Variants in DLG2 observed in about 807,000 individuals in gnomAD.
DLG2 encodes the protein disks large homolog 2.
In DLG2, 45 loss-of-function variants were observed where a neutral mutation model predicts 132.5. The observed-to-expected ratio is 0.34, with a 90% CI of 0.27 to 0.44. The LOEUF is 0.44. DLG2 is among the 20% of genes least tolerant of loss of function. The probability of loss-of-function intolerance (pLI) is 1.00; values close to 1 mark genes in which losing one functional copy is unlikely to be tolerated. For missense variants in DLG2, 1,045 were observed against 1,196.9 expected (o/e 0.87, Z 1.87); for synonymous variants, 424 against 419.6 (o/e 1.01, Z -0.13).
intron 3 of DLG2, among the ~76,000 whole-genome samples, chr11:85,489,135 T>C (rs1323987843): frequency 6.6e-6 from 1 of 151,524 alleles, no homozygotes; most frequent in Non-Finnish European, 1.5e-5. Flanking sequence ...ATTGGAAAAA[T>C]GCATGAAAAA....
chr11:84,033,955 C>T (rs144230425), intron 11 of DLG2, among the ~76,000 whole-genome samples: 6,056 of 152,150 alleles, frequency 0.04, 371 homozygotes, highest in African/African-American at 0.14. Flanking sequence ...TTGGCACATG[C>T]CTGTAATCCC....
At chr11:84,033,944 G>A in intron 11 of DLG2, among the ~76,000 whole-genome samples, 1 of 152,148 alleles carries the variant, frequency 6.6e-6, no homozygotes, top group Non-Finnish European at 1.5e-5. Flanking sequence ...AGCCGGGCAT[G>A]TTGGCACATG....
At chr11:84,992,077 A>G (rs1263889906) in intron 6 of DLG2, among the ~76,000 whole-genome samples, 1 of 151,670 alleles carries the variant, frequency 6.6e-6, no homozygotes, top group Non-Finnish European at 1.5e-5. Flanking sequence ...CTCTCTCTGG[A>G]GTGTTTCTTT....
intron 12 of DLG2, among the ~76,000 whole-genome samples, chr11:83,977,718 A>G (rs2092400646): frequency 6.6e-6 from 1 of 152,092 alleles, no homozygotes; most frequent in South Asian, 2.1e-4. Context: ...CTTTTGCACA[A>G]TGCTCTCAAG....
At chr11:85,004,779 T>C (rs991084744) in intron 6 of DLG2, among the ~76,000 whole-genome samples, 4 of 152,208 alleles carry the variant, frequency 2.6e-5, no homozygotes, top group African/African-American at 9.7e-5. Context: ...CTTGTGGTGC[T>C]TCAGTCATGA....
At chr11:85,260,067 T>C (rs1373194654) in intron 4 of DLG2, among the ~76,000 whole-genome samples, 1 of 152,200 alleles carries the variant, frequency 6.6e-6, no homozygotes, top group Non-Finnish European at 1.5e-5. Context: ...AATTTTTGGT[T>C]TGAGTCCTGG....
At chr11:84,815,439 C>T (rs1483152222) in intron 6 of DLG2, among the ~76,000 whole-genome samples, 1 of 152,038 alleles carries the variant, frequency 6.6e-6, no homozygotes, top group African/African-American at 2.4e-5. Context: ...GCTTCCATCA[C>T]CAACCTGGGG....
chr11:83,985,665 T>A lies in DLG2; in HGVS notation c.920-5023A>T, dbSNP rs1406824395. On this transcript the variant is annotated intron_variant, in intron 11 of 27. Transcript: ENST00000376104. ...GAATGATGGCTTCCAGCTCCATCCA[T>A]GTCCCTGTAGAGGACATGATCTCAT... Among the ~76,000 whole-genome samples, 4 of 152,158 alleles carry A rather than the reference T, an allele frequency of 2.6e-5. 1 individual carries two copies. The highest frequency in any genetic ancestry group is 2.0e-4 in the Admixed American group (3 of 15,250).
At chr11:84,678,410 G>A (rs1222659836) in intron 6 of DLG2, among the ~76,000 whole-genome samples, 1 of 151,996 alleles carries the variant, frequency 6.6e-6, no homozygotes, top group Non-Finnish European at 1.5e-5. Context: ...ATCTCATTCC[G>A]CCATTAAGGA....
intron 17 of DLG2, among the ~76,000 whole-genome samples, chr11:83,802,253 A>T (rs185665300): frequency 6.6e-6 from 1 of 152,080 alleles, no homozygotes; most frequent in South Asian, 2.1e-4. Context: ...CCTCCACTTC[A>T]TCCAAGCCTC....
chr11:84,190,288 A>G (rs2096380972), intron 8 of DLG2, among the ~76,000 whole-genome samples: 1 of 152,194 alleles, frequency 6.6e-6, no homozygotes, highest in South Asian at 2.1e-4. Flanking sequence ...ATAAGCATCA[A>G]ATGCACTCCT....
chr11:83,690,044 T>C (rs919664995), intron 18 of DLG2, among the ~76,000 whole-genome samples: 1 of 146,680 alleles, frequency 6.8e-6, no homozygotes, highest in African/African-American at 2.5e-5. Flanking sequence ...ATATAAATTA[T>C]GTATTTTTAT....
At chr11:84,610,157 T>C (rs2099592854) in intron 6 of DLG2, among the ~76,000 whole-genome samples, 1 of 152,116 alleles carries the variant, frequency 6.6e-6, no homozygotes, top group Non-Finnish European at 1.5e-5. Context: ...TGGATGATAC[T>C]GAAGGAAAAA....
intron 6 of DLG2, chr11:85,021,734 A>G: frequency 1.4e-6 from 1 of 692,262 alleles, no homozygotes; most frequent in Non-Finnish European, 2.5e-6. Flanking sequence ...GAGGAGGGAG[A>G]AGAGATTCGA....
At chr11:84,665,185 T>C (rs1265840887) in intron 6 of DLG2, among the ~76,000 whole-genome samples, 2 of 152,130 alleles carry the variant, frequency 1.3e-5, no homozygotes, top group Non-Finnish European at 2.9e-5. Flanking sequence ...TTTAAGTATG[T>C]TTGTTATCAC....
intron 7 of DLG2, among the ~76,000 whole-genome samples, chr11:84,469,691 TAA>T (rs1340691804): frequency 2.0e-5 from 3 of 151,670 alleles, no homozygotes; most frequent in Admixed American, 6.6e-5. Flanking sequence ...AATATGAATA[TAA>T]AGAGGCATGA....
At chr11:83,522,058 C>T (rs2095494170) in intron 21 of DLG2, among the ~76,000 whole-genome samples, 1 of 152,192 alleles carries the variant, frequency 6.6e-6, no homozygotes, top group African/African-American at 2.4e-5. Flanking sequence ...CTTACCACTG[C>T]CCCATTGTGT....
At chr11:84,469,535 T>A (rs10501562) in intron 7 of DLG2, among the ~76,000 whole-genome samples, 56,400 of 151,378 alleles carry the variant, frequency 0.37, 13,737 homozygotes, top group African/African-American at 0.7. Flanking sequence ...GCATCACATA[T>A]TGGTGGCAAC....
At chr11:84,253,178 A>G (rs1339102618) in intron 7 of DLG2, among the ~76,000 whole-genome samples, 1 of 152,140 alleles carries the variant, frequency 6.6e-6, no homozygotes, top group African/African-American at 2.4e-5. Flanking sequence ...CATTAAAAAA[A>G]AATAATAAGA....
Sources: allele counts gnomAD v4.1 joint callset (sites outside exome capture counted in the v4.1 genomes callset), GRCh38; gene constraint gnomAD v4.1.1; transcripts MANE v1.5; gene names NCBI Gene and HGNC (gene_info 2026-07-23, HGNC 2026-07-21).